The following MYCBP2 variants were observed in gnomAD, a reference collection of about 807,000 sequenced individuals.
MYCBP2 encodes MYC binding protein 2.
In MYCBP2, 120 loss-of-function variants were observed where a neutral mutation model predicts 525.3. The ratio of observed to expected loss-of-function variants is 0.23; its 90% CI spans 0.20 to 0.27. The LOEUF (loss-of-function observed/expected upper bound fraction) is 0.27, where lower values mean the gene tolerates loss of function less well. Ranked by LOEUF, MYCBP2 falls within the 10% of genes least tolerant of loss-of-function variation. The pLI is 1.00. For synonymous variants in MYCBP2, 1,894 were observed against 1,955.8 expected, an observed-to-expected ratio of 0.97 and a Z score of 0.83; for missense variants, 4,149 against 5,657.1, an observed-to-expected ratio of 0.73 and a Z score of 8.55.
chr13:77,324,887 G>C lies in MYCBP2; in HGVS notation c.302+1587C>G, dbSNP rs1478892957. Among the ~76,000 whole-genome samples the C allele has an allele frequency of 2.0e-5, 3 of 152,212 alleles. No homozygotes were observed. In the East Asian group the frequency reaches 5.8e-4, roughly 29 times the overall value. On this transcript the variant is annotated intron_variant, in intron 1 of 82. Coordinates refer to ENST00000544440, the MANE Select transcript of MYCBP2 (RefSeq NM_015057.5). ...TTCTTTGAGAGGAGTTTGTAAAGAT[G>C]TTCCTGCGGTGCCATAATTTAGAGA...
At chr13:77,137,163 T>C (rs532146069) in intron 52 of MYCBP2, among the ~76,000 whole-genome samples, 1 of 152,320 alleles carries the variant, frequency 6.6e-6, no homozygotes, top group East Asian at 1.9e-4. Context: ...TTCCCTGACC[T>C]TAAGGAGACT....
intron 21 of MYCBP2, among the ~76,000 whole-genome samples, chr13:77,214,095 G>A (rs576491954): frequency 6.6e-6 from 1 of 152,306 alleles, no homozygotes; most frequent in South Asian, 2.1e-4. Context: ...GAGGATCAGA[G>A]CACCAACTAA....
chr13:77,050,010 C>CTTT (rs1034003775), intron 82 of MYCBP2, among the ~76,000 whole-genome samples: 2 of 149,636 alleles, frequency 1.3e-5, no homozygotes, highest in Non-Finnish European at 3.0e-5. Context: ...CATCCTCACT[C>CTTT]TTTTTTTTTT....
intron 18 of MYCBP2, among the ~76,000 whole-genome samples, chr13:77,230,611 C>A (rs910377080): frequency 1.3e-5 from 2 of 152,084 alleles, no homozygotes; most frequent in African/African-American, 4.8e-5. Flanking sequence ...ACTCACATAG[C>A]CGAAAGATAA....
Position 77,171,643 on chromosome 13 carries a change from T to C in MYCBP2, c.5652-9A>G. The C allele has an allele frequency of 3.1e-6, 5 of 1,612,712 alleles. No homozygotes were observed. The highest frequency in any genetic ancestry group is 4.2e-6 in the Non-Finnish European group (5 of 1,179,218). ...CTCCATCAAATTCACTCCTGTAGCATGAGCAAACATGAGATTATTTTACAA... is the reference window on the plus strand; with the variant it reads ...CTCCATCAAATTCACTCCTGTAGCACGAGCAAACATGAGATTATTTTACAA... On this transcript the variant is annotated splice_polypyrimidine_tract_variant and intron_variant, in intron 37 of 82. Coordinates refer to ENST00000544440, the MANE Select transcript of MYCBP2 (RefSeq NM_015057.5).
intron 36 of MYCBP2, among the ~76,000 whole-genome samples, chr13:77,174,931 A>ATAAATATATATT (rs1555383773): frequency 2.9e-4 from 1 of 3,408 alleles, no homozygotes; most frequent in Non-Finnish European, 1.5e-3. Context: ...ATATATATAT[A>ATAAATATATATT]ATATATATAT....
At chr13:77,310,246 A>AT (rs1469549709) in intron 1 of MYCBP2, among the ~76,000 whole-genome samples, 1 of 152,092 alleles carries the variant, frequency 6.6e-6, no homozygotes, top group Non-Finnish European at 1.5e-5. Flanking sequence ...CTACCTCCTC[A>AT]TTTTTATGCA....
chr13:77,113,533 G>A (rs2049206717), intron 55 of MYCBP2, among the ~76,000 whole-genome samples: 1 of 152,152 alleles, frequency 6.6e-6, no homozygotes, highest in African/African-American at 2.4e-5. Flanking sequence ...AATGAAGGGT[G>A]AAATAAACAC....
intron 43 of MYCBP2, among the ~76,000 whole-genome samples, chr13:77,162,878 A>G (rs1289891395): frequency 1.3e-5 from 2 of 152,160 alleles, no homozygotes; most frequent in East Asian, 3.8e-4. Context: ...GATGGTCTCA[A>G]TTTCCTGACC....
Position 77,052,062 on chromosome 13 carries a change from A to G in MYCBP2, c.13648-144T>C. Reference sequence around the variant, plus strand: ...GACCATCCCTTGAAATGCCAAGTGCATGCCCATATTGCTTGCTGACTGTAT... The same window carrying G: ...GACCATCCCTTGAAATGCCAAGTGCGTGCCCATATTGCTTGCTGACTGTAT... On this transcript the variant is annotated intron_variant, in intron 80 of 82. Coordinates refer to ENST00000544440, the MANE Select transcript of MYCBP2 (RefSeq NM_015057.5). 4 of 630,808 alleles carry G rather than the reference A, an allele frequency of 6.3e-6. No homozygotes were observed. In the South Asian group the frequency reaches 8.3e-5, roughly 13 times the overall value. The allele number at this position is 630,808 out of a possible 1,614,324, so 39.1% of individuals were successfully genotyped here. A position where few individuals can be genotyped will look rare whatever the true frequency, so the allele number is the denominator to read the frequency against.
chr13:77,200,360 C>T (rs367591474), intron 26 of MYCBP2, among the ~76,000 whole-genome samples: 12 of 151,958 alleles, frequency 7.9e-5, no homozygotes, highest in African/African-American at 1.9e-4. Context: ...TAAAAAGAAA[C>T]GAACAAAGCC....
chr13:77,269,473 TA>T (rs1439524163), intron 7 of MYCBP2, among the ~76,000 whole-genome samples: 1 of 152,002 alleles, frequency 6.6e-6, no homozygotes, highest in Non-Finnish European at 1.5e-5. Flanking sequence ...CTGTCTCTAC[TA>T]AAAATACAAA....
At chr13:77,135,522 A>G (rs1447498929) in intron 52 of MYCBP2, among the ~76,000 whole-genome samples, 2 of 152,190 alleles carry the variant, frequency 1.3e-5, no homozygotes, top group Non-Finnish European at 2.9e-5. Context: ...CCTAGTCCCT[A>G]CAGAAAATCA....
chr13:77,065,534 C>T (rs1015749623), intron 72 of MYCBP2, among the ~76,000 whole-genome samples: 9 of 152,128 alleles, frequency 5.9e-5, no homozygotes, highest in Non-Finnish European at 1.3e-4. Context: ...TAAAGTAACT[C>T]CCTGTCCTCC....
intron 73 of MYCBP2, among the ~76,000 whole-genome samples, chr13:77,064,229 G>A (rs1453533680): frequency 6.6e-6 from 1 of 152,162 alleles, no homozygotes; most frequent in East Asian, 1.9e-4. Context: ...GGAACAACCA[G>A]GCATAGGCAG....
At chr13:77,114,335 A>C (rs183110821) in intron 55 of MYCBP2, among the ~76,000 whole-genome samples, 2 of 152,224 alleles carry the variant, frequency 1.3e-5, no homozygotes, top group East Asian at 3.9e-4. Context: ...TATTTGCATC[A>C]AAAGGCAATA....
chr13:77,270,577 T>A, intron 5 of MYCBP2, 39 bp from the exon 6 acceptor site: 1 of 1,544,106 alleles, frequency 6.5e-7, no homozygotes, highest in Non-Finnish European at 8.8e-7. Flanking sequence ...AAAACATTTT[T>A]AAATGTTACA....
chr13:77,238,933 C>T (rs1481976275), intron 17 of MYCBP2, among the ~76,000 whole-genome samples: 5 of 152,144 alleles, frequency 3.3e-5, no homozygotes, highest in Non-Finnish European at 7.3e-5. Context: ...CCAGCCTGGC[C>T]AACATGGTGA....
intron 3 of MYCBP2, among the ~76,000 whole-genome samples, chr13:77,280,406 A>G (rs2076065874): frequency 6.6e-6 from 1 of 152,198 alleles, no homozygotes; most frequent in African/African-American, 2.4e-5. Flanking sequence ...CCATCTGCTT[A>G]TGTACTTACA....
Sources: gnomAD v4.1 joint callset for allele counts (sites outside exome capture counted in the v4.1 genomes callset) on GRCh38, gnomAD v4.1.1 for gene constraint, MANE v1.5 for transcripts, NCBI Gene and HGNC (gene_info 2026-07-23, HGNC 2026-07-21) for gene names.